The following PCDHA2 variants were observed in gnomAD, a reference collection of about 807,000 sequenced individuals.
The protein encoded by PCDHA2 is protocadherin alpha-2.
In PCDHA2, 58 loss-of-function variants were observed where a neutral mutation model predicts 66.0. That is an observed-to-expected ratio of 0.88 (90% CI 0.71 to 1.09). PCDHA2 has a LOEUF of 1.09. Among genes scored for constraint, PCDHA2 ranks in the 50% least tolerant of loss-of-function variants. The pLI, the probability that PCDHA2 is intolerant of heterozygous loss-of-function variation, is 0.00. For missense variants in PCDHA2, 1,267 were observed against 1,242.3 expected (o/e 1.02, Z -0.30); for synonymous variants, 634 against 554.0 (o/e 1.14, Z -2.03).
intron 1 of PCDHA2, chr5:140,808,101 A>C: frequency 6.2e-7 from 1 of 1,613,968 alleles, no homozygotes; most frequent in Non-Finnish European, 8.5e-7. Flanking sequence ...ATTATTGTAA[A>C]GGGATATATT....
intron 1 of PCDHA2, among the ~76,000 whole-genome samples, chr5:140,921,890 G>A (rs1167996919): frequency 1.3e-5 from 2 of 151,710 alleles, no homozygotes; most frequent in African/African-American, 2.4e-5. Flanking sequence ...ATTTTAGAAA[G>A]GAGGATAAAT....
In PCDHA2 at chr5:140,849,253, A is replaced by G. The variant is rs2150433533; in HGVS notation, c.2388+51901A>G. 179 of 1,102,320 alleles carry G rather than the reference A, an allele frequency of 1.6e-4. 8 individuals carry two copies. Among genetic ancestry groups the G allele is most frequent in the Middle Eastern group, 1.5e-3 (5 of 3,306 alleles). The allele number at this position is 1,102,320 out of a possible 1,614,324, so 68.3% of individuals were successfully genotyped here. On this transcript the variant is annotated intron_variant, in intron 1 of 3. Coordinates refer to ENST00000526136, the MANE Select transcript of PCDHA2 (RefSeq NM_018905.3). ...ACCCTGTATACGGTGAAATTACCAG[A>G]AAACGTTTCTATCGGAACGCTGGTG...
chr5:140,994,317 T>A (rs1053879490), intron 3 of PCDHA2, among the ~76,000 whole-genome samples: 7 of 152,086 alleles, frequency 4.6e-5, no homozygotes, highest in African/African-American at 1.7e-4. Flanking sequence ...GCCCAAACAC[T>A]CTCAGCAACC....
At chr5:140,906,017 C>G (rs1172988114) in intron 1 of PCDHA2, among the ~76,000 whole-genome samples, 2 of 152,188 alleles carry the variant, frequency 1.3e-5, no homozygotes, top group African/African-American at 2.4e-5. Flanking sequence ...AGTCTAATCT[C>G]TCCACGTTCT....
intron 1 of PCDHA2, chr5:140,829,875 G>T (rs2150176769): frequency 1.2e-6 from 2 of 1,613,946 alleles, no homozygotes; most frequent in Non-Finnish European, 1.7e-6. Flanking sequence ...GCGAAGGTGC[G>T]CGCAGTTGAC....
At position 140,796,670 on chromosome 5, in the gene PCDHA2, G is replaced by C; in HGVS notation, c.1706G>C (p.Arg569Thr). ...NDNAPALLAPRAGTAAGAVSE... is the reference protein window; with the variant it reads ...NDNAPALLAPTAGTAAGAVSE... The stretch of plus-strand genomic sequence containing the variant: ...AACGCGCCGGCACTGTTGGCGCCTA[G>C]GGCTGGCACCGCTGCTGGCGCAGTG... The change falls in exon 1 of 4, where the codon AGG (arginine) becomes ACG (threonine). Residue 569 changes from arginine (R) to threonine (T), a missense_variant. Arg to Thr is a moderately conservative substitution (Grantham distance 71). Transcript: ENST00000526136. 2.5e-6 allele frequency: 4 copies of C among 1,613,890 alleles called. No homozygotes were observed. Among genetic ancestry groups the C allele is most frequent in the Non-Finnish European group, 3.4e-6 (4 of 1,179,876 alleles).
In PCDHA2 at chr5:140,808,762, C is replaced by A. The variant is rs150405058; in HGVS notation, c.2388+11410C>A. ...TGTACGCGCTGCAGCCGCTGGACCACGAGGAGCTAGAGCTGCTGCAGTTTC... is the reference window on the plus strand; with the variant it reads ...TGTACGCGCTGCAGCCGCTGGACCAAGAGGAGCTAGAGCTGCTGCAGTTTC... On this transcript the variant is annotated intron_variant, in intron 1 of 3. Transcript: ENST00000526136. The A allele has an allele frequency of 1.4e-5, 22 of 1,612,106 alleles. No homozygotes were observed. Among genetic ancestry groups the A allele is most frequent in the Middle Eastern group, 2.1e-4 (1 of 4,852 alleles).
intron 1 of PCDHA2, chr5:140,842,120 T>A: frequency 6.2e-7 from 1 of 1,613,882 alleles, no homozygotes; most frequent in Non-Finnish European, 8.5e-7. Context: ...ACTGAATGCT[T>A]CTGATCCGGA....
At chr5:140,802,280 A>C (rs1202505238) in intron 1 of PCDHA2, 8 of 1,614,262 alleles carry the variant, frequency 5.0e-6, no homozygotes, top group Non-Finnish European at 5.9e-6. Context: ...CTGTATTAGA[A>C]GACTCTCCAC....
In PCDHA2 at chr5:140,796,723, G is replaced by T. The variant is rs1554120065; in HGVS notation, c.1759G>T (p.Ala587Ser). ...VSELVPWSVG[A>S]GHVVAKVRAV... is the part of the protein sequence containing the mutation. Reference sequence around the variant, plus strand: ...TGAGCTGGTGCCGTGGTCGGTGGGTGCAGGGCACGTGGTGGCGAAGGTGCG... The same window carrying T: ...TGAGCTGGTGCCGTGGTCGGTGGGTTCAGGGCACGTGGTGGCGAAGGTGCG... The change falls in exon 1 of 4, where the codon GCA becomes TCA. Residue 587 changes from alanine to serine, a missense_variant. Physicochemically the swap from Ala to Ser is moderately conservative, Grantham distance 99. Transcript: ENST00000526136. 6.2e-7 allele frequency: 1 copy of T among 1,614,110 alleles called. No homozygotes were observed.
chr5:141,000,705 G>A (rs912231910), intron 3 of PCDHA2, among the ~76,000 whole-genome samples: 6 of 151,458 alleles, frequency 4.0e-5, no homozygotes, highest in African/African-American at 1.2e-4. Context: ...TGGGATTACA[G>A]GCATGAGCCA....
At chr5:140,846,974 T>G (rs1257358967) in intron 1 of PCDHA2, among the ~76,000 whole-genome samples, 1 of 149,546 alleles carries the variant, frequency 6.7e-6, no homozygotes, top group Non-Finnish European at 1.5e-5. Context: ...GGTTTTAAAA[T>G]AAGTAAGTTC....
chr5:140,942,589 T>G (rs1444015331), intron 1 of PCDHA2, among the ~76,000 whole-genome samples: 1 of 148,934 alleles, frequency 6.7e-6, no homozygotes, highest in Non-Finnish European at 1.5e-5. Flanking sequence ...GGATGTCACA[T>G]ATAATTATAG....
At chr5:140,913,394 A>G (rs2076316460) in intron 1 of PCDHA2, among the ~76,000 whole-genome samples, 1 of 152,204 alleles carries the variant, frequency 6.6e-6, no homozygotes, top group Non-Finnish European at 1.5e-5. Flanking sequence ...CATAGCCACT[A>G]ATGATCCTTT....
chr5:140,828,565 C>G (rs2150156833), intron 1 of PCDHA2: 14 of 1,614,168 alleles, frequency 8.7e-6, no homozygotes, highest in Non-Finnish European at 1.2e-5. Flanking sequence ...AGGGCGCGTC[C>G]GATGCAGATG....
intron 1 of PCDHA2, among the ~76,000 whole-genome samples, chr5:140,924,166 T>C (rs1409712075): frequency 6.6e-6 from 1 of 152,232 alleles, no homozygotes; most frequent in African/African-American, 2.4e-5. Flanking sequence ...TCCTAATCTC[T>C]GGCACTGAAG....
chr5:140,828,737 G>A, intron 1 of PCDHA2: 2 of 1,614,254 alleles, frequency 1.2e-6, no homozygotes, highest in Non-Finnish European at 1.7e-6. Flanking sequence ...GACAGCCACA[G>A]ATGGGGGCAA....
intron 1 of PCDHA2, among the ~76,000 whole-genome samples, chr5:140,890,467 AT>A (rs1562850687): frequency 1.3e-5 from 2 of 152,154 alleles, no homozygotes; most frequent in African/African-American, 4.8e-5. Context: ...AAATATTTCA[AT>A]TTTTTGTGCG....
rs1762990627 is a variant in PCDHA2, at chr5:140,802,666, T to G, written c.2388+5314T>G. 3.1e-6 allele frequency: 5 copies of G among 1,613,472 alleles called. No individual in the cohort carries two copies. The East Asian group carries it at 1.1e-4, about 36-fold the overall frequency. On this transcript the variant is annotated intron_variant, in intron 1 of 3. Transcript: ENST00000526136. ...GCGGACGCGCAGGAGAACGCCCTGGTGTCCTACTCGCTGGTGGAACGGCGG... is the reference window on the plus strand; with the variant it reads ...GCGGACGCGCAGGAGAACGCCCTGGGGTCCTACTCGCTGGTGGAACGGCGG...
Sources: gnomAD v4.1 joint callset for allele counts (sites outside exome capture counted in the v4.1 genomes callset) on GRCh38, gnomAD v4.1.1 for gene constraint, MANE v1.5 for transcripts, NCBI Gene and HGNC (gene_info 2026-07-23, HGNC 2026-07-21) for gene names.